The following ANKDD1B variants were observed in gnomAD, a reference collection of about 807,000 sequenced individuals.
The protein encoded by ANKDD1B is ankyrin repeat and death domain-containing protein 1B.
Under a neutral mutation model 59.7 loss-of-function variants are expected in ANKDD1B, and 57 were observed. The observed-to-expected ratio is 0.95, with a 90% CI of 0.77 to 1.19. ANKDD1B has a LOEUF of 1.19. ANKDD1B is among the 50% of genes most tolerant of loss of function. ANKDD1B has a pLI of 0.00. For synonymous variants in ANKDD1B, 216 were observed against 239.5 expected (o/e 0.90, Z 0.91); for missense variants, 602 against 641.9 (o/e 0.94, Z 0.67).
intron 5 of ANKDD1B, among the ~76,000 whole-genome samples, chr5:75,633,067 A>G (rs1774208231): frequency 6.6e-6 from 1 of 152,226 alleles, no homozygotes; most frequent in South Asian, 2.1e-4. Flanking sequence ...TGATATATCA[A>G]ACACAATGAT....
chr5:75,669,473 C>T (rs1775413367), intron 13 of ANKDD1B, 90 bp downstream of exon 13: 1 of 1,138,660 alleles, frequency 8.8e-7, no homozygotes, highest in Non-Finnish European at 1.1e-6. Flanking sequence ...AGCTACAGCC[C>T]CAGCGTGGTG....
rs1410793639 is a variant in ANKDD1B at position 75,620,414 on chromosome 5, G to C, written c.396+1G>C. On this transcript the variant is annotated splice_donor_variant, in intron 3 of 13. Transcript: ENST00000601380. LOFTEE classifies it high-confidence loss of function. ...GGCCAGGGTGGATGTTGCTGATAAG[G>C]TAAGCTCATCTTGAGTAGAACAAGT... The C allele has an allele frequency of 6.6e-7, 1 of 1,517,984 alleles. No homozygotes were observed. The highest frequency in any genetic ancestry group is 2.0e-5 in the Admixed American group (1 of 50,680). The allele number at this position is 1,517,984 out of a possible 1,614,324, so 94.0% of individuals were successfully genotyped here.
intron 7 of ANKDD1B, among the ~76,000 whole-genome samples, chr5:75,644,032 T>G (rs2111968841): frequency 9.7e-6 from 1 of 102,724 alleles, no homozygotes; most frequent in East Asian, 2.4e-4. Context: ...AAATACTGTA[T>G]AGACAAGCAA....
intron 1 of ANKDD1B, among the ~76,000 whole-genome samples, chr5:75,615,995 C>T (rs895361144): frequency 2.0e-5 from 3 of 152,090 alleles, no homozygotes; most frequent in Non-Finnish European, 1.5e-5. Context: ...ATGATGGTAC[C>T]ATTTAAAAAA....
At chr5:75,663,547 CA>C in intron 11 of ANKDD1B, 58 bp downstream of exon 11, 1 of 1,344,090 alleles carries the variant, frequency 7.4e-7, no homozygotes, top group Non-Finnish European at 1.0e-6. Context: ...CATCTTCTTG[CA>C]GGGGCAATGG....
In ANKDD1B at chr5:75,653,142, C is replaced by T. The variant is rs1283427907; in HGVS notation, c.799C>T (p.Leu267Phe). Reference sequence around the variant, plus strand: ...TTGCCCTCTCTATTGTCTCTTGCAGCTCAATATCAGTAGTTTGCAGATAGC... The same window carrying T: ...TTGCCCTCTCTATTGTCTCTTGCAGTTCAATATCAGTAGTTTGCAGATAGC... Reference protein sequence around the residue: ...QWQDINEMNELNISSLQIATR... With the variant: ...QWQDINEMNEFNISSLQIATR... Residue 267 changes from leucine to phenylalanine, a missense_variant and splice_region_variant, in exon 8 of 14, where the codon CTC (leucine) becomes TTC (phenylalanine). This residue lies in a region of ANKDD1B where 280 missense variants were observed against 319.8 expected (regional missense o/e 0.88). Coordinates refer to ENST00000601380, the MANE Select transcript of ANKDD1B (RefSeq NM_001276713.2). 2 of 1,533,804 alleles carry T rather than the reference C, an allele frequency of 1.3e-6. No homozygotes were observed. The highest frequency in any genetic ancestry group is 2.0e-5 in the Admixed American group (1 of 50,998).
chr5:75,667,250 T>A (rs1375359550), intron 12 of ANKDD1B, among the ~76,000 whole-genome samples: 1 of 152,184 alleles, frequency 6.6e-6, no homozygotes, highest in East Asian at 1.9e-4. Context: ...ATATCAGACA[T>A]GTGCATTTAG....
chr5:75,665,788 GTTC>G (rs199500032), intron 11 of ANKDD1B, among the ~76,000 whole-genome samples: 2,332 of 152,238 alleles, frequency 0.015, 65 homozygotes, highest in African/African-American at 0.051. Context: ...GGCCCATCAA[GTTC>G]TTCTCATCAG....
At chr5:75,648,032 C>T (rs1774687945) in intron 7 of ANKDD1B, among the ~76,000 whole-genome samples, 2 of 115,516 alleles carry the variant, frequency 1.7e-5, no homozygotes, top group Non-Finnish European at 3.2e-5. Context: ...TATTCTCACT[C>T]ATAGGTGGGA....
At chr5:75,660,743 C>T (rs1169260039) in intron 10 of ANKDD1B, among the ~76,000 whole-genome samples, 1 of 152,160 alleles carries the variant, frequency 6.6e-6, no homozygotes, top group Non-Finnish European at 1.5e-5. Context: ...GACAAAATCA[C>T]TCCAGTTTTC....
chr5:75,641,739 G>T (rs866486002), intron 7 of ANKDD1B, among the ~76,000 whole-genome samples: 1 of 152,278 alleles, frequency 6.6e-6, no homozygotes. Context: ...TCCCAAACTG[G>T]CATGTTTGAT....
chr5:75,640,220 C>T (rs1310328076), intron 7 of ANKDD1B, among the ~76,000 whole-genome samples: 1 of 151,888 alleles, frequency 6.6e-6, no homozygotes, highest in Non-Finnish European at 1.5e-5. Context: ...ATTTTTTAAA[C>T]TTTTTGTAGA....
chr5:75,645,181 TAAAAG>T (rs1648375093), intron 7 of ANKDD1B, among the ~76,000 whole-genome samples: 1 of 90,792 alleles, frequency 1.1e-5, no homozygotes, highest in Admixed American at 1.1e-4. Context: ...ACATCACAAT[TAAAAG>T]AACTAGAAAA....
intron 7 of ANKDD1B, among the ~76,000 whole-genome samples, chr5:75,637,266 A>G (rs1435964340): frequency 1.3e-5 from 2 of 148,392 alleles, no homozygotes; most frequent in African/African-American, 4.9e-5. Flanking sequence ...AAAAAAAAAA[A>G]AAAAAAAGAA....
chr5:75,629,198 C>T (rs1774076989), intron 5 of ANKDD1B, among the ~76,000 whole-genome samples: 1 of 152,088 alleles, frequency 6.6e-6, no homozygotes, highest in Non-Finnish European at 1.5e-5. Flanking sequence ...TGTTTCCCAT[C>T]TGTGAGGGGA....
In ANKDD1B at chr5:75,625,634, C is replaced by T; in HGVS notation, c.397-13C>T. 6.5e-7 allele frequency: 1 copy of T among 1,534,054 alleles called. No individual in the cohort carries two copies. The highest frequency in any genetic ancestry group is 8.7e-7 in the Non-Finnish European group (1 of 1,145,364). On this transcript the variant is annotated splice_polypyrimidine_tract_variant and intron_variant, in intron 3 of 13. Transcript: ENST00000601380. ...AGAGTGATAGATTCTCTTTTTCTGT[C>T]TTCTTGGGGAAGCACGGCTTGACAG...
intron 7 of ANKDD1B, among the ~76,000 whole-genome samples, chr5:75,636,309 C>T (rs949162760): frequency 6.6e-6 from 1 of 152,098 alleles, no homozygotes; most frequent in African/African-American, 2.4e-5. Context: ...TTGTAATGAA[C>T]GTTGGCAGGA....
chr5:75,654,591 G>T (rs1047679195), intron 8 of ANKDD1B, among the ~76,000 whole-genome samples: 1 of 151,988 alleles, frequency 6.6e-6, no homozygotes, highest in Non-Finnish European at 1.5e-5. Context: ...GAGGTGGGAG[G>T]TTCGCTTGAA....
At chr5:75,621,449 T>C (rs979517202) in intron 3 of ANKDD1B, among the ~76,000 whole-genome samples, 2 of 152,150 alleles carry the variant, frequency 1.3e-5, no homozygotes, top group Non-Finnish European at 2.9e-5. Context: ...AGTCCTCAGC[T>C]GTTCCATGCA....
Sources: allele counts gnomAD v4.1 joint callset (sites outside exome capture counted in the v4.1 genomes callset), GRCh38; gene constraint gnomAD v4.1.1; regional missense constraint gnomAD v4.1.1; transcripts MANE v1.5; gene names NCBI Gene and HGNC (gene_info 2026-07-23, HGNC 2026-07-21).